MYO5A: variants seen among roughly 807,000 people sequenced by gnomAD.
MYO5A encodes the protein myosin VA, also known as unconventional myosin-Va.
Under a neutral mutation model 249.7 loss-of-function variants are expected in MYO5A, and 98 were observed. That is an observed-to-expected ratio of 0.39 (90% CI 0.33 to 0.46). The LOEUF (loss-of-function observed/expected upper bound fraction) is 0.46, where lower values mean the gene tolerates loss of function less well. Among genes scored for constraint, MYO5A ranks in the 20% least tolerant of loss-of-function variants. The pLI is 0.98. For synonymous variants in MYO5A, 778 were observed against 810.6 expected (o/e 0.96, Z 0.68); for missense variants, 1,696 against 2,308.8 (o/e 0.73, Z 5.44).
In MYO5A at chr15:52,404,998, G is replaced by A. The variant is rs11853802; in HGVS notation, c.1053+289C>T. ...TCTGATCTTGTGGGGCCACATCTGCGTTATAGTCACTAATCTCATCTATCC... is the reference window on the plus strand; with the variant it reads ...TCTGATCTTGTGGGGCCACATCTGCATTATAGTCACTAATCTCATCTATCC... On this transcript the variant is annotated intron_variant, in intron 9 of 41. Transcript: ENST00000399233. Among the ~76,000 whole-genome samples the A allele has an allele frequency of 0.15, 22,741 of 151,194 alleles. 1,827 individuals are homozygous for A. The highest frequency in any genetic ancestry group is 0.22 in the Middle Eastern group (65 of 294).
intron 1 of MYO5A, among the ~76,000 whole-genome samples, chr15:52,521,669 T>C (rs887141800): frequency 6.6e-6 from 1 of 152,218 alleles, no homozygotes; most frequent in Admixed American, 6.5e-5. Flanking sequence ...CATCCCTAAG[T>C]TCTACAATTG....
Position 52,528,839 on chromosome 15 carries a change from T to G in MYO5A, c.-33A>C. 1 of 1,464,400 alleles carries G rather than the reference T, an allele frequency of 6.8e-7. No homozygotes were observed. Among genetic ancestry groups the G allele is most frequent in the Non-Finnish European group, 9.0e-7 (1 of 1,112,400 alleles). 90.7% of individuals were successfully genotyped at this position (1,464,400 alleles called of 1,614,324 possible). A position where few individuals can be genotyped will look rare whatever the true frequency, so the allele number is the denominator to read the frequency against. On this transcript the variant is annotated 5_prime_UTR_variant, in exon 1 of 42. Coordinates refer to ENST00000399233, the MANE Select transcript of MYO5A (RefSeq NM_001382347.1). ...CCCGCGCGCCTACGCCCCCCGCCTG[T>G]GCGGAGGCCGCACCTCGCCTGGGCG...
chr15:52,338,117 G>C (rs574070951), intron 32 of MYO5A, among the ~76,000 whole-genome samples: 13 of 151,966 alleles, frequency 8.6e-5, no homozygotes, highest in Non-Finnish European at 1.5e-4. Flanking sequence ...GCTGTGGCCA[G>C]GATGCCATCA....
intron 37 of MYO5A, among the ~76,000 whole-genome samples, chr15:52,322,366 C>T (rs977693165): frequency 2.0e-5 from 3 of 152,230 alleles, no homozygotes; most frequent in African/African-American, 7.2e-5. Flanking sequence ...TGGGCACCTT[C>T]TCTGCTGCCC....
At position 52,364,632 on chromosome 15, in the gene MYO5A, T is replaced by C. The variant is rs550619370; in HGVS notation, c.3231A>G (p.Arg1077=). The C allele has an allele frequency of 8.1e-6, 13 of 1,614,010 alleles. No homozygotes were observed. The Admixed American group carries it at 2.2e-4, about 27-fold the overall frequency. The change falls in exon 24 of 42, where the codon AGA becomes AGG. Residue 1077 remains arginine, a synonymous_variant. Transcript: ENST00000399233. ...LELDLNDERL[R]YQNLLNEFSR... ...TGAACTCATTCAGAAGGTTCTGATATCTCAGCCTTTCATCATTAAGGTCGA... is the reference window on the plus strand; with the variant it reads ...TGAACTCATTCAGAAGGTTCTGATACCTCAGCCTTTCATCATTAAGGTCGA...
At chr15:52,370,865 C>A (rs978074667) in intron 21 of MYO5A, among the ~76,000 whole-genome samples, 1 of 152,168 alleles carries the variant, frequency 6.6e-6, no homozygotes, top group African/African-American at 2.4e-5. Context: ...ATAGTCTCAA[C>A]ACTTTGGGAG....
intron 1 of MYO5A, among the ~76,000 whole-genome samples, chr15:52,510,808 G>A (rs1164181040): frequency 2.0e-5 from 3 of 152,302 alleles, no homozygotes; most frequent in South Asian, 4.1e-4. Flanking sequence ...GTTGGGGACC[G>A]CTGACCTAAG....
intron 13 of MYO5A, among the ~76,000 whole-genome samples, chr15:52,388,788 CAG>C (rs937348910): frequency 3.3e-5 from 5 of 152,228 alleles, no homozygotes; most frequent in African/African-American, 1.2e-4. Context: ...CTTTAGGACT[CAG>C]AATTTTTGAG....
intron 37 of MYO5A, among the ~76,000 whole-genome samples, chr15:52,322,375 C>T (rs8024624): frequency 0.087 from 13,171 of 152,258 alleles, 1,758 homozygotes; most frequent in African/African-American, 0.29. Flanking sequence ...TCTCTGCTGC[C>T]CTCCTGGCAA....
intron 1 of MYO5A, among the ~76,000 whole-genome samples, chr15:52,518,054 A>C (rs751704756): frequency 6.6e-6 from 1 of 152,000 alleles, no homozygotes; most frequent in Non-Finnish European, 1.5e-5. Context: ...ACTTGTTCTT[A>C]CCCTAAGTTG....
intron 31 of MYO5A, among the ~76,000 whole-genome samples, chr15:52,342,172 C>T (rs1274145469): frequency 1.3e-5 from 2 of 151,782 alleles, no homozygotes; most frequent in African/African-American, 4.8e-5. Flanking sequence ...CCTGGGCAAC[C>T]AAGTGAAACC....
chr15:52,460,131 C>A (rs959623788), intron 1 of MYO5A, among the ~76,000 whole-genome samples: 1 of 151,212 alleles, frequency 6.6e-6, no homozygotes, highest in Non-Finnish European at 1.5e-5. Context: ...GACGGGATGA[C>A]GGCCGGGAAG....
intron 1 of MYO5A, among the ~76,000 whole-genome samples, chr15:52,519,840 C>G (rs1442976164): frequency 6.6e-6 from 1 of 151,958 alleles, no homozygotes; most frequent in Non-Finnish European, 1.5e-5. Context: ...AAGCGATTCT[C>G]CTGCCTCGGC....
rs112546037 is a variant in MYO5A at position 52,511,161 on chromosome 15, G to A, written c.27+17619C>T. Among the ~76,000 whole-genome samples the A allele has an allele frequency of 5.7e-3, 874 of 152,284 alleles. 6 individuals are homozygous for A. Among genetic ancestry groups the A allele is most frequent in the African/African-American group, 0.02 (840 of 41,568 alleles). Reference sequence around the variant, plus strand: ...GACTCAGAAAACTCTTCAACCCTAGGAGATGCCACCTCTGACCCAAGGGAA... The same window carrying A: ...GACTCAGAAAACTCTTCAACCCTAGAAGATGCCACCTCTGACCCAAGGGAA... On this transcript the variant is annotated intron_variant, in intron 1 of 41. Transcript: ENST00000399233.
intron 1 of MYO5A, among the ~76,000 whole-genome samples, chr15:52,518,328 T>C (rs1289529706): frequency 6.6e-6 from 1 of 150,736 alleles, no homozygotes; most frequent in Non-Finnish European, 1.5e-5. Context: ...GGTTGAGAAA[T>C]TTTGGTCAAG....
chr15:52,458,424 A>G (rs1209971046), intron 1 of MYO5A, among the ~76,000 whole-genome samples: 1 of 152,102 alleles, frequency 6.6e-6, no homozygotes, highest in Non-Finnish European at 1.5e-5. Context: ...TACAAAAAAT[A>G]CAAAAATTAG....
rs763101944 is a variant in MYO5A at position 52,428,509 on chromosome 15, T to G, written c.199A>C (p.Ile67Leu). 6.2e-7 allele frequency: 1 copy of G among 1,614,170 alleles called. No homozygotes were observed. Among genetic ancestry groups the G allele is most frequent in the Non-Finnish European group, 8.5e-7 (1 of 1,179,990 alleles). The change falls in exon 3 of 42, where the codon ATA (isoleucine) becomes CTA (leucine). Residue 67 changes from isoleucine to leucine, a missense_variant. This residue lies in a region of MYO5A where 197 missense variants were observed against 320.3 expected (regional missense o/e 0.62). Transcript: ENST00000399233. ...GTGAGGTCATTTTCACCAACAAGTA[T>G]GTCAGGATTTCGTAAGTGAGGCAGC... Reference protein sequence around the residue: ...KELPHLRNPDILVGENDLTAL... With the variant: ...KELPHLRNPDLLVGENDLTAL...
intron 1 of MYO5A, among the ~76,000 whole-genome samples, chr15:52,471,620 C>CACACACACACA (rs71130163): frequency 6.7e-6 from 1 of 148,274 alleles, no homozygotes. Context: ...CACACACACA[C>CACACACACACA]CCCAAACAAA....
chr15:52,416,715 C>T (rs1169391601), intron 4 of MYO5A, among the ~76,000 whole-genome samples: 4 of 152,270 alleles, frequency 2.6e-5, no homozygotes, highest in African/African-American at 7.2e-5. Flanking sequence ...ACATGCATTA[C>T]ATCATTTCTT....
Sources: allele counts gnomAD v4.1 joint callset (sites outside exome capture counted in the v4.1 genomes callset), GRCh38; gene constraint gnomAD v4.1.1; regional missense constraint gnomAD v4.1.1; transcripts MANE v1.5; gene names NCBI Gene and HGNC (gene_info 2026-07-23, HGNC 2026-07-21).